The following FARP1 variants were observed in gnomAD, a reference collection of about 807,000 sequenced individuals.
FARP1 encodes the protein FERM, ARH/RhoGEF and pleckstrin domain protein 1, also known as FERM, ARHGEF and pleckstrin domain-containing protein 1.
Under a neutral mutation model 128.8 loss-of-function variants are expected in FARP1, and 52 were observed. The observed-to-expected ratio is 0.40, with a 90% CI of 0.32 to 0.51. FARP1 has a LOEUF of 0.51. Ranked by LOEUF, FARP1 falls within the 20% of genes least tolerant of loss-of-function variation. FARP1 has a pLI of 0.45. For missense variants in FARP1, 1,333 were observed against 1,367.9 expected, an observed-to-expected ratio of 0.97 and a Z score of 0.40; for synonymous variants, 580 against 551.8, an observed-to-expected ratio of 1.05 and a Z score of -0.72.
chr13:98,319,333 T>C (rs575437160), intron 2 of FARP1, among the ~76,000 whole-genome samples: 1 of 152,268 alleles, frequency 6.6e-6, no homozygotes, highest in East Asian at 1.9e-4. Flanking sequence ...AAATAATCAG[T>C]TCGTCAGCCA....
chr13:98,296,803 GC>G (rs999006010), intron 2 of FARP1, among the ~76,000 whole-genome samples: 1 of 146,172 alleles, frequency 6.8e-6, no homozygotes, highest in African/African-American at 2.5e-5. Flanking sequence ...TCTCACCTCT[GC>G]CTCTTGAGTA....
At chr13:98,200,391 C>CCA (rs1555327078) in intron 1 of FARP1, among the ~76,000 whole-genome samples, 2 of 137,282 alleles carry the variant, frequency 1.5e-5, no homozygotes, top group African/African-American at 2.9e-5. Context: ...ACCTTCACCC[C>CCA]CCCCCCCTCC....
At chr13:98,234,725 A>G (rs1390160624) in intron 2 of FARP1, 1 of 152,228 alleles carries the variant, frequency 6.6e-6, no homozygotes, top group Non-Finnish European at 1.5e-5. Flanking sequence ...TGTATGGACA[A>G]GCAGCTGAAG....
chr13:98,232,945 T>C (rs1882215138), intron 2 of FARP1, among the ~76,000 whole-genome samples: 1 of 152,228 alleles, frequency 6.6e-6, no homozygotes, highest in African/African-American at 2.4e-5. Context: ...TGTTGTCATT[T>C]AGGAGGCTCA....
At chr13:98,378,909 A>ATAATAT (rs59298355) in intron 6 of FARP1, among the ~76,000 whole-genome samples, 2 of 82,498 alleles carry the variant, frequency 2.4e-5, no homozygotes, top group East Asian at 7.8e-4. Context: ...ATATATATAT[A>ATAATAT]ATATATATAT....
chr13:98,251,552 G>A (rs1014184961), intron 2 of FARP1, among the ~76,000 whole-genome samples: 43 of 151,716 alleles, frequency 2.8e-4, no homozygotes, highest in African/African-American at 5.1e-4. Flanking sequence ...GCATGGTGGC[G>A]CACACCTGTA....
At chr13:98,293,343 G>A (rs2139672441) in intron 2 of FARP1, among the ~76,000 whole-genome samples, 1 of 152,292 alleles carries the variant, frequency 6.6e-6, no homozygotes, top group Non-Finnish European at 1.5e-5. Flanking sequence ...TCTCATAGCA[G>A]AGCCATGTTG....
chr13:98,380,410 G>A (rs1415172415), intron 6 of FARP1, among the ~76,000 whole-genome samples: 1 of 150,088 alleles, frequency 6.7e-6, no homozygotes, highest in East Asian at 1.9e-4. Context: ...CTGGGCGACA[G>A]AGTGAGACTC....
chr13:98,152,306 G>T (rs912570598), intron 1 of FARP1, among the ~76,000 whole-genome samples: 5 of 152,178 alleles, frequency 3.3e-5, no homozygotes, highest in Admixed American at 2.6e-4. Context: ...TCACACATTT[G>T]TTGTTACTAG....
chr13:98,347,827 A>C (rs1275598149), intron 3 of FARP1, among the ~76,000 whole-genome samples: 1 of 152,196 alleles, frequency 6.6e-6, no homozygotes, highest in Non-Finnish European at 1.5e-5. Flanking sequence ...AAAATGCCCA[A>C]TCATAGGGCT....
At chr13:98,249,863 C>A (rs9513382) in intron 2 of FARP1, among the ~76,000 whole-genome samples, 112,508 of 151,970 alleles carry the variant, frequency 0.74, 43,260 homozygotes, top group East Asian at 0.93. Flanking sequence ...CAGTCTGGTT[C>A]CCCACCTCTC....
rs114555382 is a variant in FARP1 at position 98,302,061 on chromosome 13, C to A, written c.172-41701C>A. ...CCCCGTACACAGACTGGCTCTGTAC[C>A]CATTAACTTCCCTGCATAGAAGTAG... On this transcript the variant is annotated intron_variant, in intron 2 of 26. Transcript: ENST00000319562. Among the ~76,000 whole-genome samples the A allele has an allele frequency of 7.1e-3, 1,081 of 152,244 alleles. 15 individuals carry two copies. The highest frequency in any genetic ancestry group is 0.022 in the African/African-American group (914 of 41,540).
chr13:98,364,869 A>G (rs1025217854), intron 3 of FARP1, among the ~76,000 whole-genome samples: 20 of 152,172 alleles, frequency 1.3e-4, no homozygotes, highest in African/African-American at 4.8e-4. Flanking sequence ...CAAGTCTCAG[A>G]TGTCACTCCT....
At chr13:98,261,786 A>G (rs1403515858) in intron 2 of FARP1, among the ~76,000 whole-genome samples, 3 of 152,202 alleles carry the variant, frequency 2.0e-5, no homozygotes, top group Admixed American at 6.5e-5. Flanking sequence ...TTGCGTTACA[A>G]CCAACACTCT....
chr13:98,204,900 A>T (rs1404029659), intron 1 of FARP1, among the ~76,000 whole-genome samples: 5 of 152,110 alleles, frequency 3.3e-5, no homozygotes, highest in Non-Finnish European at 7.4e-5. Context: ...GTGAGCTGTG[A>T]TCATGCCACT....
Position 98,203,970 on chromosome 13 carries a change from G to A in FARP1, c.-23-9250G>A, listed in dbSNP as rs750314734. 2.0e-5 allele frequency: 3 copies of A among 152,322 alleles called. 1 individual carries two copies. The highest frequency in any genetic ancestry group is 1.9e-4 in the East Asian group (1 of 5,190). 9.4% of individuals were successfully genotyped at this position (152,322 alleles called of 1,614,324 possible). On this transcript the variant is annotated intron_variant, in intron 1 of 26. Coordinates refer to ENST00000319562, the MANE Select transcript of FARP1 (RefSeq NM_005766.4). ...CTAGCAGGGGGGAGCACAGCTACTC[G>A]TATACCCTTGACCGAAAACCGGTCC...
At chr13:98,358,324 G>A (rs1888723542) in intron 3 of FARP1, among the ~76,000 whole-genome samples, 1 of 152,000 alleles carries the variant, frequency 6.6e-6, no homozygotes, top group Non-Finnish European at 1.5e-5. Context: ...GGCGCTCACA[G>A]GGATCACATT....
intron 1 of FARP1, among the ~76,000 whole-genome samples, chr13:98,167,692 G>T (rs1460460471): frequency 6.6e-6 from 1 of 152,096 alleles, no homozygotes; most frequent in African/African-American, 2.4e-5. Context: ...TTACAAGCAT[G>T]AGCCACTGCG....
At chr13:98,383,851 G>GT (rs1396202778) in intron 6 of FARP1, 10 of 151,998 alleles carry the variant, frequency 6.6e-5, no homozygotes, top group Non-Finnish European at 1.3e-4. Flanking sequence ...ATAAAAACGT[G>GT]TAAGACTTTG....
Sources: allele counts gnomAD v4.1 joint callset (sites outside exome capture counted in the v4.1 genomes callset), GRCh38; gene constraint gnomAD v4.1.1; transcripts MANE v1.5; gene names NCBI Gene and HGNC (gene_info 2026-07-23, HGNC 2026-07-21).